Variants in MCMBP observed in about 807,000 individuals in gnomAD.
MCMBP encodes mini-chromosome maintenance complex-binding protein.
In MCMBP, 31 loss-of-function variants were observed where a neutral mutation model predicts 81.3. The ratio of observed to expected loss-of-function variants is 0.38; its 90% CI spans 0.29 to 0.51. The LOEUF is 0.51. MCMBP is among the 20% of genes least tolerant of loss of function. The pLI, the probability that MCMBP is intolerant of heterozygous loss-of-function variation, is 0.87. For synonymous variants in MCMBP, 267 were observed against 275.9 expected (o/e 0.97, Z 0.32); for missense variants, 645 against 772.1 (o/e 0.84, Z 1.95).
At chr10:119,844,586 T>C (rs997256864) in intron 8 of MCMBP, among the ~76,000 whole-genome samples, 3 of 152,202 alleles carry the variant, frequency 2.0e-5, no homozygotes, top group African/African-American at 7.2e-5. Flanking sequence ...TGATGGTTAA[T>C]ACTTTGTCAA....
intron 1 of MCMBP, among the ~76,000 whole-genome samples, chr10:119,864,520 G>T (rs1589800636): frequency 7.2e-6 from 1 of 139,172 alleles, no homozygotes; most frequent in Non-Finnish European, 1.6e-5. Context: ...TTCTACTATT[G>T]GTAATTTGTT....
At chr10:119,844,408 G>A (rs560556157) in intron 8 of MCMBP, among the ~76,000 whole-genome samples, 92 of 152,146 alleles carry the variant, frequency 6.0e-4, no homozygotes, top group African/African-American at 2.1e-3. Context: ...TCCATAGTAC[G>A]TACCATGTGA....
rs138915149 is a variant in MCMBP at position 119,865,744 on chromosome 10, C to T, written c.59-5860G>A. On this transcript the variant is annotated intron_variant, in intron 1 of 15. Transcript: ENST00000369077. ...AGCAAATATATGGATAAACAAAATG[C>T]AGTATAGACATACAATGGAATGTTA... Among the ~76,000 whole-genome samples, 178 of 152,100 alleles carry T rather than the reference C, an allele frequency of 1.2e-3. 1 individual carries two copies. The highest frequency in any genetic ancestry group is 1.8e-3 in the Non-Finnish European group (120 of 68,006).
intron 1 of MCMBP, among the ~76,000 whole-genome samples, chr10:119,863,958 T>C (rs948905787): frequency 5.9e-5 from 9 of 151,396 alleles, no homozygotes; most frequent in South Asian, 2.1e-4. Context: ...ATATGTTACA[T>C]AGGAATTAAG....
intron 14 of MCMBP, among the ~76,000 whole-genome samples, chr10:119,834,844 A>ACAC (rs1289218857): frequency 7.5e-6 from 1 of 133,794 alleles, no homozygotes; most frequent in Non-Finnish European, 1.6e-5. Flanking sequence ...CCTGGATGAC[A>ACAC]CAGCGAGACC....
In MCMBP at chr10:119,835,540, C is replaced by T; in HGVS notation, c.1707G>A (p.Lys569=). The T allele has an allele frequency of 6.2e-7, 1 of 1,612,480 alleles. No individual in the cohort carries two copies. The highest frequency in any genetic ancestry group is 8.5e-7 in the Non-Finnish European group (1 of 1,178,948). ...LEYSISDEIT[K]AVEDDFVEMR... is the part of the protein sequence containing the mutation. Reference sequence around the variant, plus strand: ...ATCCTTTATTTTAACCTAGACATACCTTGGTTATTTCATCAGATATGCTAT... The same window carrying T: ...ATCCTTTATTTTAACCTAGACATACTTTGGTTATTTCATCAGATATGCTAT... The change falls in exon 14 of 16, where the codon AAG becomes AAA. Residue 569 remains lysine, a splice_region_variant and synonymous_variant. Coordinates refer to ENST00000369077, the MANE Select transcript of MCMBP (RefSeq NM_001256378.2).
At chr10:119,855,188 C>T (rs560210588) in intron 5 of MCMBP, among the ~76,000 whole-genome samples, 22 of 151,736 alleles carry the variant, frequency 1.4e-4, no homozygotes, top group Non-Finnish European at 2.6e-4. Flanking sequence ...GTTGCAAGGG[C>T]GAAGGATCAA....
chr10:119,833,032 C>T (rs934810145), intron 14 of MCMBP, among the ~76,000 whole-genome samples: 2 of 152,182 alleles, frequency 1.3e-5, no homozygotes, highest in Non-Finnish European at 2.9e-5. Flanking sequence ...AAGGCTAAGG[C>T]TTGTAAATTG....
rs1421144948 is a variant in MCMBP, at chr10:119,829,973, C to G, written c.*1501G>C. On this transcript the variant is annotated 3_prime_UTR_variant, in exon 16 of 16. Coordinates refer to ENST00000369077, the MANE Select transcript of MCMBP (RefSeq NM_001256378.2). ...GAAAATGTATTTTATCCTCACAAATCCAGTGAAGCCTTCATTTTATTTCTA... is the reference window on the plus strand; with the variant it reads ...GAAAATGTATTTTATCCTCACAAATGCAGTGAAGCCTTCATTTTATTTCTA... The G allele has an allele frequency of 6.6e-6, 1 of 152,582 alleles. No homozygotes were observed. Among genetic ancestry groups the G allele is most frequent in the Non-Finnish European group, 1.5e-5 (1 of 68,034 alleles). 9.5% of individuals were successfully genotyped at this position (152,582 alleles called of 1,614,324 possible).
chr10:119,865,327 T>C (rs142141387), intron 1 of MCMBP, among the ~76,000 whole-genome samples: 2 of 152,302 alleles, frequency 1.3e-5, no homozygotes, highest in African/African-American at 4.8e-5. Flanking sequence ...CGTAGTGGCT[T>C]ATGCCCGTAA....
chr10:119,872,343 C>A (rs377238957), intron 1 of MCMBP, among the ~76,000 whole-genome samples, 184 bp downstream of exon 1: 37 of 152,044 alleles, frequency 2.4e-4, no homozygotes, highest in Admixed American at 7.9e-4. Flanking sequence ...CCGGCTCCTG[C>A]CCCTGCCTGC....
rs981975639 is a variant in MCMBP at position 119,835,169 on chromosome 10, C to T, written c.1707+371G>A. Among the ~76,000 whole-genome samples the T allele has an allele frequency of 3.7e-4, 56 of 151,984 alleles. 1 individual carries two copies. Among genetic ancestry groups the T allele is most frequent in the Admixed American group, 7.9e-4 (12 of 15,258 alleles). Reference sequence around the variant, plus strand: ...GGAGCACAAGGGAGAGGAGAAGGAACGGAATTATAAAGGGGCAAAGTCTTT... The same window carrying T: ...GGAGCACAAGGGAGAGGAGAAGGAATGGAATTATAAAGGGGCAAAGTCTTT... On this transcript the variant is annotated intron_variant, in intron 14 of 15. Coordinates refer to ENST00000369077, the MANE Select transcript of MCMBP (RefSeq NM_001256378.2).
At chr10:119,864,130 G>A (rs1017927289) in intron 1 of MCMBP, among the ~76,000 whole-genome samples, 14 of 152,162 alleles carry the variant, frequency 9.2e-5, no homozygotes, top group Admixed American at 2.0e-4. Flanking sequence ...CTTTGAAAAC[G>A]GAAGGGGGCC....
chr10:119,853,076 T>C lies in MCMBP; in HGVS notation c.548A>G (p.Asp183Gly), dbSNP rs1309289176. Residue 183 changes from aspartate (D) to glycine (G), a missense_variant, in exon 6 of 16, where the codon GAC becomes GGC. Physicochemically the swap from Asp to Gly is moderately conservative, Grantham distance 94 (BLOSUM62 -1). Coordinates refer to ENST00000369077, the MANE Select transcript of MCMBP (RefSeq NM_001256378.2). ...TGCTTGTCTGGCACCTGCATGTTGGTCTTTCTGCTTATTGGGCTGTAGGTC... is the reference window on the plus strand; with the variant it reads ...TGCTTGTCTGGCACCTGCATGTTGGCCTTTCTGCTTATTGGGCTGTAGGTC... ...DMDLQPNKQK[D>G]QHAGARQAGS... is the part of the protein sequence containing the mutation. 5.6e-6 allele frequency: 9 copies of C among 1,614,204 alleles called. No homozygotes were observed. Among genetic ancestry groups the C allele is most frequent in the Non-Finnish European group, 6.8e-6 (8 of 1,180,016 alleles).
rs561996805 is a variant in MCMBP at position 119,867,832 on chromosome 10, T to C, written c.58+4695A>G. Among the ~76,000 whole-genome samples the C allele has an allele frequency of 9.2e-5, 14 of 152,256 alleles. No homozygotes were observed. In the South Asian group the frequency reaches 2.9e-3, roughly 32 times the overall value. The stretch of plus-strand genomic sequence containing the variant: ...TATAGCCTTAATATAAATTAACTTT[T>C]TTCAGTGGCCTACCAAGGACAGAGT... On this transcript the variant is annotated intron_variant, in intron 1 of 15. Coordinates refer to ENST00000369077, the MANE Select transcript of MCMBP (RefSeq NM_001256378.2).
chr10:119,842,953 A>G (rs769794286), intron 9 of MCMBP: 12 of 383,776 alleles, frequency 3.1e-5, no homozygotes, highest in South Asian at 1.3e-4. Flanking sequence ...GGGTTTCACT[A>G]TATTGGCCAG....
chr10:119,870,383 G>T (rs578157569), intron 1 of MCMBP, among the ~76,000 whole-genome samples: 1 of 151,964 alleles, frequency 6.6e-6, no homozygotes, highest in Non-Finnish European at 1.5e-5. Flanking sequence ...GGAGGCGGAG[G>T]TTGCAGTGAG....
At chr10:119,841,551 T>C (rs988074215) in intron 10 of MCMBP, among the ~76,000 whole-genome samples, 21 of 152,246 alleles carry the variant, frequency 1.4e-4, no homozygotes, top group African/African-American at 5.1e-4. Context: ...ATGTTTAATA[T>C]ATATCAACTG....
chr10:119,850,982 C>T (rs1384877643), intron 6 of MCMBP, among the ~76,000 whole-genome samples: 1 of 149,944 alleles, frequency 6.7e-6, no homozygotes, highest in East Asian at 2.1e-4. Context: ...AAGCAATTCT[C>T]CTGCCTCAGT....
Sources: gnomAD v4.1 joint callset for allele counts (sites outside exome capture counted in the v4.1 genomes callset) on GRCh38, gnomAD v4.1.1 for gene constraint, MANE v1.5 for transcripts, NCBI Gene and HGNC (gene_info 2026-07-23, HGNC 2026-07-21) for gene names.